Variants in TENT4B observed in about 807,000 individuals in gnomAD.
TENT4B encodes the protein terminal nucleotidyltransferase 4B.
Under a neutral mutation model 75.0 loss-of-function variants are expected in TENT4B, and 10 were observed. The observed-to-expected ratio is 0.13, with a 90% confidence interval of 0.08 to 0.23. TENT4B has a LOEUF of 0.23. Ranked by LOEUF, TENT4B falls within the 10% of genes least tolerant of loss-of-function variation. The pLI, the probability that TENT4B is intolerant of heterozygous loss-of-function variation, is 1.00. For missense variants in TENT4B, 579 were observed against 893.8 expected (o/e 0.65, Z 4.49); for synonymous variants, 350 against 357.7 (o/e 0.98, Z 0.24).
chr16:50,205,377 T>C (rs2150727366), intron 1 of TENT4B, among the ~76,000 whole-genome samples: 1 of 152,162 alleles, frequency 6.6e-6, no homozygotes, highest in South Asian at 2.1e-4. Context: ...AAAAAAATTA[T>C]AATAGTACAG....
chr16:50,177,790 T>C (rs12598291), intron 1 of TENT4B, among the ~76,000 whole-genome samples: 100,238 of 151,868 alleles, frequency 0.66, 35,246 homozygotes, highest in Non-Finnish European at 0.77. Context: ...TTAGTTTTTC[T>C]AGAAAACTAA....
chr16:50,199,164 C>T (rs1019028415), intron 1 of TENT4B, among the ~76,000 whole-genome samples: 16 of 152,300 alleles, frequency 1.1e-4, no homozygotes, highest in Middle Eastern at 3.4e-3. Context: ...AGTGACCTTC[C>T]TTAGAGTCAG....
chr16:50,173,730 A>G (rs188682534), intron 1 of TENT4B, among the ~76,000 whole-genome samples: 7 of 152,100 alleles, frequency 4.6e-5, no homozygotes, highest in Admixed American at 1.3e-4. Context: ...ATCTCGCTCT[A>G]TTGCCCAGGC....
intron 1 of TENT4B, among the ~76,000 whole-genome samples, chr16:50,196,014 T>G (rs1456105701): frequency 6.6e-6 from 1 of 152,190 alleles, no homozygotes; most frequent in Non-Finnish European, 1.5e-5. Flanking sequence ...GAAGAAATAG[T>G]CAATGTAGAA....
In TENT4B at chr16:50,230,854, T is replaced by TA. The variant is rs1182933314; in HGVS notation, c.*1527dup. On this transcript the variant is annotated 3_prime_UTR_variant, in exon 12 of 12. Transcript: ENST00000561678. ...TGCTTTCTTTCAGGGTGAAAGCTCT[T>TA]ATGTTTAGCATCAATGTGTATGGCT... is the stretch of plus-strand genomic sequence containing the variant. 1 of 985,584 alleles carries TA rather than the reference T, an allele frequency of 1.0e-6. No homozygotes were observed. The highest frequency in any genetic ancestry group is 1.7e-5 in the African/African-American group (1 of 57,244). The allele number at this position is 985,584 out of a possible 1,614,324, so 61.1% of individuals were successfully genotyped here.
At chr16:50,176,663 C>T (rs557991801) in intron 1 of TENT4B, among the ~76,000 whole-genome samples, 3 of 151,172 alleles carry the variant, frequency 2.0e-5, no homozygotes, top group African/African-American at 4.9e-5. Context: ...TGCACCACCA[C>T]GCCCAGATAA....
chr16:50,203,934 C>T (rs992080675), intron 1 of TENT4B, among the ~76,000 whole-genome samples: 1 of 152,152 alleles, frequency 6.6e-6, no homozygotes, highest in Non-Finnish European at 1.5e-5. Context: ...CCAGGAGCCC[C>T]CAGGAGGCTC....
chr16:50,186,998 C>T (rs986541257), intron 1 of TENT4B, among the ~76,000 whole-genome samples: 14 of 152,088 alleles, frequency 9.2e-5, no homozygotes, highest in African/African-American at 2.7e-4. Context: ...TGGCTTCAAG[C>T]AATCCTCCTA....
chr16:50,156,078 A>G (rs1193082129), intron 1 of TENT4B, among the ~76,000 whole-genome samples: 1 of 152,178 alleles, frequency 6.6e-6, no homozygotes, highest in Non-Finnish European at 1.5e-5. Context: ...ATTGCCCTCA[A>G]AGGGATTAGG....
intron 5 of TENT4B, among the ~76,000 whole-genome samples, chr16:50,220,776 G>A (rs989491387): frequency 1.3e-5 from 2 of 151,598 alleles, no homozygotes; most frequent in Non-Finnish European, 2.9e-5. Context: ...AGATCCACCC[G>A]CCTCAGCCTC....
At chr16:50,172,035 G>A (rs1232368579) in intron 1 of TENT4B, among the ~76,000 whole-genome samples, 1 of 151,574 alleles carries the variant, frequency 6.6e-6, no homozygotes, top group African/African-American at 2.4e-5. Context: ...GCAAGACTCT[G>A]TCTCAAAAAT....
At chr16:50,209,477 A>AG (rs1165851390) in intron 1 of TENT4B, among the ~76,000 whole-genome samples, 1 of 152,236 alleles carries the variant, frequency 6.6e-6, no homozygotes, top group Non-Finnish European at 1.5e-5. Flanking sequence ...GAAGGTCCTG[A>AG]GGTACCCAGA....
intron 2 of TENT4B, among the ~76,000 whole-genome samples, chr16:50,212,723 A>C (rs2150735517): frequency 6.6e-6 from 1 of 152,214 alleles, no homozygotes; most frequent in Admixed American, 6.5e-5. Flanking sequence ...TTTGTTCTCC[A>C]GGGGGCATTT....
At chr16:50,217,107 A>G (rs2031598186) in intron 4 of TENT4B, among the ~76,000 whole-genome samples, 1 of 152,174 alleles carries the variant, frequency 6.6e-6, no homozygotes, top group Non-Finnish European at 1.5e-5. Flanking sequence ...TCTTATACTC[A>G]GAAAGTGTTC....
At chr16:50,209,191 T>G (rs1193372779) in intron 1 of TENT4B, among the ~76,000 whole-genome samples, 1 of 152,152 alleles carries the variant, frequency 6.6e-6, no homozygotes, top group East Asian at 1.9e-4. Flanking sequence ...TAAAATGCAG[T>G]TTTTCTATGG....
intron 5 of TENT4B, 45 bp from the exon 6 acceptor site, chr16:50,222,261 G>A: frequency 6.5e-7 from 1 of 1,530,256 alleles, no homozygotes; most frequent in Non-Finnish European, 8.9e-7. Context: ...GCTTAGATCT[G>A]TTGCTGATAC....
chr16:50,228,660 G>A (rs191025486), intron 11 of TENT4B, among the ~76,000 whole-genome samples: 16 of 152,236 alleles, frequency 1.1e-4, no homozygotes, highest in Admixed American at 3.3e-4. Context: ...CTTTACCTAC[G>A]CGGCCTTAGC....
In TENT4B at chr16:50,225,083, T is replaced by C. The variant is rs368880848; in HGVS notation, c.1613-15T>C. 6 of 1,609,478 alleles carry C rather than the reference T, an allele frequency of 3.7e-6. No homozygotes were observed. The African/African-American group carries it at 5.4e-5, about 14-fold the overall frequency. ...ATGGGAAGAAACGTTTTCCAATCTTTTGCCACTCTTTCAGGAAATGGTGTT... is the reference window on the plus strand; with the variant it reads ...ATGGGAAGAAACGTTTTCCAATCTTCTGCCACTCTTTCAGGAAATGGTGTT... On this transcript the variant is annotated splice_polypyrimidine_tract_variant and intron_variant, in intron 9 of 11. Transcript: ENST00000561678.
At chr16:50,222,500 C>T in intron 6 of TENT4B, 66 bp downstream of exon 6, 1 of 1,547,966 alleles carries the variant, frequency 6.5e-7, no homozygotes, top group Non-Finnish European at 8.7e-7. Context: ...AGCTGGGAAA[C>T]ATTTTGGAAA....
Sources: allele counts gnomAD v4.1 joint callset (sites outside exome capture counted in the v4.1 genomes callset), GRCh38; gene constraint gnomAD v4.1.1; transcripts MANE v1.5; gene names NCBI Gene and HGNC (gene_info 2026-07-23, HGNC 2026-07-21).